The following BMPER variants were observed in gnomAD, a reference collection of about 807,000 sequenced individuals.
BMPER encodes BMP-binding endothelial regulator protein.
In BMPER, 45 loss-of-function variants were observed where a neutral mutation model predicts 87.3. That is an observed-to-expected ratio of 0.52 (90% CI 0.41 to 0.66). The LOEUF (loss-of-function observed/expected upper bound fraction) is 0.66. Among genes scored for constraint, BMPER ranks in the 30% least tolerant of loss-of-function variants. The probability of loss-of-function intolerance (pLI) is 0.00; values close to 1 mark genes in which losing one functional copy is unlikely to be tolerated. For synonymous variants in BMPER, 326 were observed against 316.2 expected, an observed-to-expected ratio of 1.03 and a Z score of -0.33; for missense variants, 784 against 867.5, an observed-to-expected ratio of 0.90 and a Z score of 1.21.
intron 13 of BMPER, among the ~76,000 whole-genome samples, chr7:34,132,884 TG>T (rs1427713884): frequency 6.6e-6 from 1 of 152,132 alleles, no homozygotes; most frequent in African/African-American, 2.4e-5. Flanking sequence ...ACCTCAGACT[TG>T]GTAGATGTGA....
Position 34,107,381 on chromosome 7 carries a change from C to T in BMPER, c.1745+21289C>T, listed in dbSNP as rs991430477. ...ATGAGCTTATTAACTGAAGAGCATT[C>T]GCAAACTAATTTGTCACTGTATCCT... On this transcript the variant is annotated intron_variant, in intron 13 of 14. Transcript: ENST00000649409. 2.6e-5 allele frequency among the ~76,000 whole-genome samples: 4 copies of T among 152,174 alleles called. No individual in the cohort carries two copies. In the East Asian group the frequency reaches 5.8e-4, roughly 22 times the overall value.
chr7:34,100,470 A>G (rs1243505295), intron 13 of BMPER, among the ~76,000 whole-genome samples: 3 of 152,098 alleles, frequency 2.0e-5, no homozygotes, highest in Admixed American at 1.3e-4. Flanking sequence ...GCATTCGTGC[A>G]CCTCCAAAGT....
intron 13 of BMPER, among the ~76,000 whole-genome samples, chr7:34,098,770 G>C (rs1789600741): frequency 6.6e-6 from 1 of 152,192 alleles, no homozygotes; most frequent in African/African-American, 2.4e-5. Flanking sequence ...TGTGATCAAA[G>C]CCAGGGAGGA....
intron 13 of BMPER, among the ~76,000 whole-genome samples, chr7:34,120,837 T>G (rs546687630): frequency 4.6e-5 from 7 of 152,280 alleles, no homozygotes; most frequent in African/African-American, 1.7e-4. Context: ...GCATAAATTG[T>G]GGAAACATAA....
intron 6 of BMPER, among the ~76,000 whole-genome samples, chr7:34,021,379 C>A (rs1787182888): frequency 6.6e-6 from 1 of 152,026 alleles, no homozygotes; most frequent in African/African-American, 2.4e-5. Context: ...CAAATCTAAT[C>A]AAAATGAGTA....
intron 13 of BMPER, among the ~76,000 whole-genome samples, chr7:34,102,110 G>A (rs1219997098): frequency 1.3e-5 from 2 of 150,170 alleles, no homozygotes; most frequent in Non-Finnish European, 3.0e-5. Context: ...CTTGATTCAA[G>A]GTTTCCATGA....
chr7:33,950,832 A>T (rs1348823761), intron 3 of BMPER, among the ~76,000 whole-genome samples: 1 of 152,190 alleles, frequency 6.6e-6, no homozygotes, highest in East Asian at 1.9e-4. Context: ...TACCCAGAGC[A>T]GCTTTGGGAC....
At chr7:34,109,353 G>T (rs765576803) in intron 13 of BMPER, among the ~76,000 whole-genome samples, 2 of 152,134 alleles carry the variant, frequency 1.3e-5, no homozygotes, top group Non-Finnish European at 2.9e-5. Flanking sequence ...CATCCATTAG[G>T]AAGAGCAACC....
intron 11 of BMPER, among the ~76,000 whole-genome samples, chr7:34,066,945 G>A (rs1326877515): frequency 1.3e-5 from 2 of 152,120 alleles, no homozygotes; most frequent in Admixed American, 6.5e-5. Flanking sequence ...CAGCCCAGAC[G>A]TGCATGCCCA....
chr7:34,140,402 A>C (rs1015310280), intron 13 of BMPER, among the ~76,000 whole-genome samples: 6 of 151,126 alleles, frequency 4.0e-5, no homozygotes, highest in Non-Finnish European at 8.9e-5. Flanking sequence ...GACAAAACAC[A>C]TATTTCAAGC....
chr7:33,946,268 G>A (rs1166568599), intron 3 of BMPER, among the ~76,000 whole-genome samples: 1 of 152,018 alleles, frequency 6.6e-6, no homozygotes, highest in Non-Finnish European at 1.5e-5. Flanking sequence ...CTTCCCACTG[G>A]GTCCCTCCCA....
chr7:34,004,535 T>C (rs186856729), intron 6 of BMPER, among the ~76,000 whole-genome samples: 143 of 152,230 alleles, frequency 9.4e-4, no homozygotes, highest in African/African-American at 3.3e-3. Flanking sequence ...GTCTGAAAAA[T>C]TGTATTTTCT....
chr7:33,938,525 G>A (rs887747642), intron 3 of BMPER, among the ~76,000 whole-genome samples: 1 of 152,264 alleles, frequency 6.6e-6, no homozygotes, highest in East Asian at 1.9e-4. Flanking sequence ...GGGCCGCCAG[G>A]ATCTAGGAAA....
At chr7:33,935,068 T>A (rs973722488) in intron 2 of BMPER, among the ~76,000 whole-genome samples, 1 of 152,220 alleles carries the variant, frequency 6.6e-6, no homozygotes, top group African/African-American at 2.4e-5. Flanking sequence ...AAAAAATATG[T>A]CTCTTTATTT....
intron 6 of BMPER, among the ~76,000 whole-genome samples, chr7:34,005,881 A>G (rs1188571986): frequency 6.6e-6 from 1 of 152,060 alleles, no homozygotes; most frequent in African/African-American, 2.4e-5. Context: ...TTGAGGTTAA[A>G]TCTTTCCTTG....
chr7:33,926,307 T>G (rs73310827), intron 2 of BMPER, among the ~76,000 whole-genome samples: 2,773 of 152,078 alleles, frequency 0.018, 67 homozygotes, highest in African/African-American at 0.064. Context: ...TAGCCATTTG[T>G]TTTTCTGCAG....
At chr7:33,974,643 G>A in intron 5 of BMPER, 59 bp from the exon 6 acceptor site, 2 of 1,512,406 alleles carry the variant, frequency 1.3e-6, no homozygotes, top group Admixed American at 3.3e-5. Flanking sequence ...TAGAAGGATT[G>A]TGTCAGGTTG....
chr7:34,055,406 C>T (rs937126650), intron 9 of BMPER, 103 bp downstream of exon 9: 14 of 1,424,494 alleles, frequency 9.8e-6, no homozygotes, highest in Non-Finnish European at 1.2e-5. Flanking sequence ...TTTCTATATA[C>T]ATATACAAAT....
chr7:34,000,055 G>A (rs779609806), intron 6 of BMPER, among the ~76,000 whole-genome samples: 15 of 152,156 alleles, frequency 9.9e-5, no homozygotes, highest in Non-Finnish European at 1.8e-4. Context: ...ACTAAAAAAT[G>A]GCCCATCTGT....
Sources: allele counts gnomAD v4.1 joint callset (sites outside exome capture counted in the v4.1 genomes callset), GRCh38; gene constraint gnomAD v4.1.1; transcripts MANE v1.5; gene names NCBI Gene and HGNC (gene_info 2026-07-23, HGNC 2026-07-21).